ELL: variants seen among roughly 807,000 people sequenced by gnomAD.
The protein encoded by ELL is RNA polymerase II elongation factor ELL.
Under a neutral mutation model 64.0 loss-of-function variants are expected in ELL, and 18 were observed. The ratio of observed to expected loss-of-function variants is 0.28; its 90% CI spans 0.19 to 0.42. The LOEUF (loss-of-function observed/expected upper bound fraction) is 0.42, where lower values mean the gene tolerates loss of function less well. Ranked by LOEUF, ELL falls within the 10% of genes least tolerant of loss-of-function variation. The pLI is 1.00. For missense variants in ELL, 797 were observed against 870.4 expected, an observed-to-expected ratio of 0.92 and a Z score of 1.06; for synonymous variants, 399 against 376.2, an observed-to-expected ratio of 1.06 and a Z score of -0.70.
intron 1 of ELL, among the ~76,000 whole-genome samples, chr19:18,499,861 C>T (rs923142885): frequency 3.3e-5 from 5 of 152,044 alleles, no homozygotes; most frequent in African/African-American, 1.2e-4. Flanking sequence ...AGAGCGGGGC[C>T]GAGGGAGCCA....
intron 2 of ELL, among the ~76,000 whole-genome samples, chr19:18,468,226 A>G (rs1195008943): frequency 8.5e-6 from 1 of 117,998 alleles, no homozygotes; most frequent in East Asian, 2.1e-4. Context: ...CAAACAATCC[A>G]TACACACACA....
At chr19:18,511,294 G>A (rs928303557) in intron 1 of ELL, among the ~76,000 whole-genome samples, 2 of 152,016 alleles carry the variant, frequency 1.3e-5, no homozygotes, top group Non-Finnish European at 2.9e-5. Context: ...ACTTGGCGTG[G>A]TGGTGGGCGC....
At chr19:18,510,974 T>G (rs1976007967) in intron 1 of ELL, among the ~76,000 whole-genome samples, 1 of 151,802 alleles carries the variant, frequency 6.6e-6, no homozygotes, top group African/African-American at 2.4e-5. Context: ...ATATAAAAAT[T>G]AGCTACGCAT....
intron 1 of ELL, among the ~76,000 whole-genome samples, chr19:18,510,955 C>G (rs954119179): frequency 6.6e-6 from 1 of 152,072 alleles, no homozygotes; most frequent in Admixed American, 6.5e-5. Flanking sequence ...AACCCCGTCT[C>G]TACTAAAAAT....
intron 1 of ELL, among the ~76,000 whole-genome samples, chr19:18,477,935 T>C (rs968219485): frequency 6.6e-6 from 1 of 151,946 alleles, no homozygotes; most frequent in African/African-American, 2.4e-5. Flanking sequence ...GGGTGCTAAA[T>C]AGATGGTGAT....
chr19:18,450,588 A>T lies in ELL; in HGVS notation c.1354T>A (p.Ser452Thr). ...CTCTCCTTGTCTTTGTGCTTCTTGG[A>T]CTTCTTCTTGGGCTTGCTGCGCGAG... ...SPSRSKPKKKSKKHKDKERAA... is the reference protein window; with the variant it reads ...SPSRSKPKKKTKKHKDKERAA... Residue 452 changes from serine to threonine, a missense_variant, in exon 8 of 12, where the codon TCC (serine) becomes ACC (threonine). Physicochemically the swap from Ser to Thr is moderately conservative, Grantham distance 58. Transcript: ENST00000262809. The T allele has an allele frequency of 6.2e-7, 1 of 1,611,936 alleles. No individual in the cohort carries two copies. Among genetic ancestry groups the T allele is most frequent in the Non-Finnish European group, 8.5e-7 (1 of 1,179,614 alleles).
chr19:18,454,996 C>A (rs1427354144), intron 6 of ELL, among the ~76,000 whole-genome samples: 1 of 150,412 alleles, frequency 6.6e-6, no homozygotes, highest in Admixed American at 6.6e-5. Flanking sequence ...AAAAAATTAG[C>A]CGGGCATGGT....
rs1323824428 is a variant in ELL, at chr19:18,465,406, G to A, written c.469+6C>T. 4 of 1,589,954 alleles carry A rather than the reference G, an allele frequency of 2.5e-6. No individual in the cohort carries two copies. Among genetic ancestry groups the A allele is most frequent in the Non-Finnish European group, 1.7e-6 (2 of 1,164,202 alleles). Reference sequence around the variant, plus strand: ...GCCCTACAGCCCTGCCAAACCCACTGCTCACCCAGGTAGCGGCCTCCAGCC... The same window carrying A: ...GCCCTACAGCCCTGCCAAACCCACTACTCACCCAGGTAGCGGCCTCCAGCC... On this transcript the variant is annotated splice_donor_region_variant and intron_variant, in intron 4 of 11. Coordinates refer to ENST00000262809, the MANE Select transcript of ELL (RefSeq NM_006532.4).
At chr19:18,496,094 C>T (rs544717453) in intron 1 of ELL, among the ~76,000 whole-genome samples, 56 of 152,290 alleles carry the variant, frequency 3.7e-4, no homozygotes, top group African/African-American at 1.3e-3. Context: ...CACAACCTCC[C>T]GGACAGATGG....
Position 18,461,600 on chromosome 19 carries a change from G to A in ELL, c.722C>T (p.Ala241Val), listed in dbSNP as rs371932488. The A allele has an allele frequency of 1.6e-5, 25 of 1,604,326 alleles. No homozygotes were observed. The South Asian group carries it at 1.6e-4, about 11-fold the overall frequency. ...KDGLTQADKD[A>V]LDGLLQQVAN... is the part of the protein sequence containing the mutation. ...CACCTGCTGGAGGAGGCCATCCAGC[G>A]CGTCCTTGTCCGCCTGCGTCAGGCC... Residue 241 changes from alanine (A) to valine (V), a missense_variant, in exon 5 of 12, where the codon GCG (alanine) becomes GTG (valine). Ala to Val is a moderately conservative substitution (Grantham distance 64). Coordinates refer to ENST00000262809, the MANE Select transcript of ELL (RefSeq NM_006532.4).
chr19:18,446,982 C>T (rs1974430639), intron 8 of ELL, among the ~76,000 whole-genome samples, 168 bp from the exon 9 acceptor site: 1 of 152,220 alleles, frequency 6.6e-6, no homozygotes, highest in Non-Finnish European at 1.5e-5. Flanking sequence ...GAGCCCCTCG[C>T]ACCTGGCAAC....
chr19:18,480,445 GTTCCA>G (rs1975275605), intron 1 of ELL, among the ~76,000 whole-genome samples: 2 of 152,162 alleles, frequency 1.3e-5, no homozygotes, highest in African/African-American at 4.8e-5. Context: ...GACCTCACTG[GTTCCA>G]GCCTAGGGAA....
intron 6 of ELL, among the ~76,000 whole-genome samples, chr19:18,457,092 G>A (rs1009181380): frequency 4.6e-5 from 7 of 152,154 alleles, no homozygotes; most frequent in African/African-American, 1.7e-4. Context: ...TCCCCATGCC[G>A]GCCCAGAGTG....
rs147294512 is a variant in ELL at position 18,461,950 on chromosome 19, A to G, written c.470-98T>C. The G allele has an allele frequency of 6.6e-4, 960 of 1,456,476 alleles. 8 individuals carry two copies. The African/African-American group carries it at 0.012, about 19-fold the overall frequency. 90.2% of individuals were successfully genotyped at this position (1,456,476 alleles called of 1,614,324 possible). A position where few individuals can be genotyped will look rare whatever the true frequency, so the allele number is the denominator to read the frequency against. On this transcript the variant is annotated intron_variant, in intron 4 of 11. Transcript: ENST00000262809. ...TGCCCAGAGGTTTGAGACTATAGAC[A>G]GTGCTGGTGGGAGGCACCACACCAA...
At chr19:18,461,462 G>A in intron 5 of ELL, 116 bp downstream of exon 5, 2 of 1,476,312 alleles carry the variant, frequency 1.4e-6, no homozygotes, top group South Asian at 1.3e-5. Flanking sequence ...AGAGACCCCA[G>A]GAAGGGCTCT....
At position 18,461,591 on chromosome 19, in the gene ELL, C is replaced by A. The variant is rs1178508655; in HGVS notation, c.731G>T (p.Gly244Val). Residue 244 changes from glycine (G) to valine (V), a missense_variant, in exon 5 of 12, where the codon GGC (glycine) becomes GTC (valine). By Grantham distance (109) the Gly-to-Val change is moderately radical (BLOSUM62 -3). Transcript: ENST00000262809. The part of the protein sequence containing the change: ...LTQADKDALD[G>V]LLQQVANMSA... Reference sequence around the variant, plus strand: ...GGCGGCACCCACCTGCTGGAGGAGGCCATCCAGCGCGTCCTTGTCCGCCTG... The same window carrying A: ...GGCGGCACCCACCTGCTGGAGGAGGACATCCAGCGCGTCCTTGTCCGCCTG... 6.2e-7 allele frequency: 1 copy of A among 1,600,474 alleles called. No individual in the cohort carries two copies. The highest frequency in any genetic ancestry group is 8.5e-7 in the Non-Finnish European group (1 of 1,177,336).
At chr19:18,450,337 C>A (rs2144892096) in intron 8 of ELL, 140 bp downstream of exon 8, 1 of 1,394,200 alleles carries the variant, frequency 7.2e-7, no homozygotes. Flanking sequence ...GCACACAGGG[C>A]AAATCTGATG....
intron 1 of ELL, 60 bp downstream of exon 1, chr19:18,521,861 C>A: frequency 6.6e-7 from 1 of 1,522,036 alleles, no homozygotes; most frequent in Non-Finnish European, 8.8e-7. Context: ...GTGAGGGGAG[C>A]GCGAGGCCGG....
chr19:18,515,648 G>A (rs562668071), intron 1 of ELL, among the ~76,000 whole-genome samples: 33 of 152,360 alleles, frequency 2.2e-4, no homozygotes, highest in Non-Finnish European at 4.3e-4. Flanking sequence ...TGGGGGAGGG[G>A]GTCCAGCATA....
Sources: allele counts gnomAD v4.1 joint callset (sites outside exome capture counted in the v4.1 genomes callset), GRCh38; gene constraint gnomAD v4.1.1; transcripts MANE v1.5; gene names NCBI Gene and HGNC (gene_info 2026-07-23, HGNC 2026-07-21).